AGAP1: variants seen among roughly 807,000 people sequenced by gnomAD.
AGAP1 encodes ArfGAP with GTPase domain, ankyrin repeat and PH domain 1.
A neutral mutation model predicts 105.3 loss-of-function variants in AGAP1; 29 were observed. That is an observed-to-expected ratio of 0.28 (90% CI 0.21 to 0.38). AGAP1 has a LOEUF of 0.38. AGAP1 is among the 10% of genes least tolerant of loss of function. The probability of loss-of-function intolerance (pLI) is 1.00; values close to 1 mark genes in which losing one functional copy is unlikely to be tolerated. For synonymous variants in AGAP1, 509 were observed against 485.9 expected (o/e 1.05, Z -0.63); for missense variants, 998 against 1,165.1 (o/e 0.86, Z 2.09).
rs1953498613 is a variant in AGAP1, at chr2:235,752,170, A to C, written c.673+1682A>C. The stretch of plus-strand genomic sequence containing the variant: ...TGCATGAGGCCAGCTGCCTGTTTTC[A>C]TAAATAGACTTTTCTTCTTTTTTTT... On this transcript the variant is annotated intron_variant, in intron 6 of 17. Coordinates refer to ENST00000304032, the MANE Select transcript of AGAP1 (RefSeq NM_001037131.3). This position sits in a 1 kb window ranked among gnomAD's most constrained non-coding sequence, Gnocchi z 4.3. 6.6e-6 allele frequency among the ~76,000 whole-genome samples: 1 copy of C among 152,150 alleles called. No homozygotes were observed. Among genetic ancestry groups the C allele is most frequent in the Non-Finnish European group, 1.5e-5 (1 of 68,020 alleles).
intron 9 of AGAP1, among the ~76,000 whole-genome samples, chr2:235,819,098 ATTTCTTTTCT>A (rs199751739): frequency 6.7e-6 from 1 of 148,182 alleles, no homozygotes; most frequent in African/African-American, 2.5e-5. Context: ...GGGAAATTGT[ATTTCTTTTCT>A]TTTCTTTTCT....
intron 6 of AGAP1, among the ~76,000 whole-genome samples, chr2:235,779,820 G>A (rs893858734): frequency 1.3e-5 from 2 of 152,220 alleles, no homozygotes; most frequent in African/African-American, 4.8e-5. Context: ...GCTCATGGCT[G>A]AAGCCTGGAC....
chr2:236,040,542 A>C lies in AGAP1; in HGVS notation c.1801-209A>C. The C allele has an allele frequency of 1.2e-5, 2 of 161,856 alleles. No individual in the cohort carries two copies. The highest frequency in any genetic ancestry group is 2.6e-5 in the Non-Finnish European group (2 of 77,250). 10.0% of individuals were successfully genotyped at this position (161,856 alleles called of 1,614,324 possible). On this transcript the variant is annotated intron_variant, in intron 14 of 17. Coordinates refer to ENST00000304032, the MANE Select transcript of AGAP1 (RefSeq NM_001037131.3). This position sits in a 1 kb window ranked among gnomAD's most constrained non-coding sequence, Gnocchi z 5.6. The stretch of plus-strand genomic sequence containing the variant: ...GTCTCAGCTGATGAGTTAAAATGTG[A>C]CATTTCCTCCCTCCCCCCGCCCCAT...
At chr2:235,834,738 G>A (rs530898536) in intron 9 of AGAP1, among the ~76,000 whole-genome samples, 19 of 152,166 alleles carry the variant, frequency 1.2e-4, no homozygotes, top group Non-Finnish European at 2.2e-4. Flanking sequence ...CAGCAAGAGC[G>A]AGAGTCTCCG....
rs1018313 is a variant in AGAP1 at position 235,736,371 on chromosome 2, C to G, written c.311-4592C>G. On this transcript the variant is annotated intron_variant, in intron 3 of 17. Coordinates refer to ENST00000304032, the MANE Select transcript of AGAP1 (RefSeq NM_001037131.3). This position sits in a 1 kb window ranked among gnomAD's most constrained non-coding sequence, Gnocchi z 5.5. ...TGAAGTTATGCTGATGTCATTTAAT[C>G]GTACGTCATCATAATTGGCAGCAGA... Among the ~76,000 whole-genome samples the G allele has an allele frequency of 0.76, 114,782 of 151,954 alleles. 43,968 individuals are homozygous for G. Among genetic ancestry groups the G allele is most frequent in the East Asian group, 0.99 (5,098 of 5,140 alleles).
chr2:235,511,467 G>A (rs1942107364), intron 1 of AGAP1, among the ~76,000 whole-genome samples: 1 of 152,100 alleles, frequency 6.6e-6, no homozygotes, highest in African/African-American at 2.4e-5. Flanking sequence ...CGGCTTCTCT[G>A]TGGGGATGTG....
intron 10 of AGAP1, among the ~76,000 whole-genome samples, chr2:235,885,862 C>G (rs1173517363): frequency 1.3e-5 from 2 of 152,222 alleles, no homozygotes; most frequent in Non-Finnish European, 2.9e-5. Flanking sequence ...TAGATTCTTA[C>G]ATAGATATTC....
chr2:235,780,146 A>G (rs13400202), intron 6 of AGAP1, among the ~76,000 whole-genome samples: 40,013 of 152,008 alleles, frequency 0.26, 5,591 homozygotes, highest in Admixed American at 0.4. Context: ...TCCTGTTTTC[A>G]CCATTTCTTG....
intron 1 of AGAP1, among the ~76,000 whole-genome samples, chr2:235,496,591 C>G (rs900831382): frequency 6.6e-6 from 1 of 152,190 alleles, no homozygotes; most frequent in Non-Finnish European, 1.5e-5. Context: ...ATTGAAGGCA[C>G]CTGGCTGAGA....
chr2:235,749,578 A>C, intron 5 of AGAP1, among the ~76,000 whole-genome samples: 1 of 148,750 alleles, frequency 6.7e-6, no homozygotes, highest in Admixed American at 6.8e-5. Flanking sequence ...TCTAGGCCTC[A>C]CCCCTACATC....
At chr2:235,837,905 G>A (rs561333196) in intron 9 of AGAP1, among the ~76,000 whole-genome samples, 129 of 152,220 alleles carry the variant, frequency 8.5e-4, no homozygotes, top group Non-Finnish European at 1.6e-3. Context: ...TGTCAGAGCC[G>A]GGGGTGGTGG....
chr2:235,765,296 G>T lies in AGAP1; in HGVS notation c.673+14808G>T, dbSNP rs112813145. 2.1e-3 allele frequency among the ~76,000 whole-genome samples: 311 copies of T among 150,936 alleles called. 1 individual carries two copies. The highest frequency in any genetic ancestry group is 2.7e-3 in the Non-Finnish European group (183 of 67,674). ...GGGGTGGGGGTATCTGGGAGCGTCTGTGGGGTGGGCGTATCTGGGAGTGTC... is the reference window on the plus strand; with the variant it reads ...GGGGTGGGGGTATCTGGGAGCGTCTTTGGGGTGGGCGTATCTGGGAGTGTC... On this transcript the variant is annotated intron_variant, in intron 6 of 17. Coordinates refer to ENST00000304032, the MANE Select transcript of AGAP1 (RefSeq NM_001037131.3).
chr2:235,864,084 C>T lies in AGAP1; in HGVS notation c.1051-19261C>T, dbSNP rs1034416914. ...TGACTCTATAGATCTGACTTGAATGCGCAAGCGGGCCGTTCCCACGTGATT... is the reference window on the plus strand; with the variant it reads ...TGACTCTATAGATCTGACTTGAATGTGCAAGCGGGCCGTTCCCACGTGATT... On this transcript the variant is annotated intron_variant, in intron 9 of 17. Transcript: ENST00000304032. This position sits in a 1 kb window ranked among gnomAD's most constrained non-coding sequence, Gnocchi z 5.0. 1.3e-5 allele frequency among the ~76,000 whole-genome samples: 2 copies of T among 152,186 alleles called. No individual in the cohort carries two copies. Among genetic ancestry groups the T allele is most frequent in the Non-Finnish European group, 1.5e-5 (1 of 68,038 alleles).
intron 12 of AGAP1, among the ~76,000 whole-genome samples, chr2:235,944,704 C>G (rs961959194): frequency 6.6e-6 from 1 of 152,270 alleles, no homozygotes; most frequent in African/African-American, 2.4e-5. Flanking sequence ...TTTGCCAGAG[C>G]CTTTATGGGG....
At chr2:236,070,225 T>G (rs1414011322) in intron 16 of AGAP1, among the ~76,000 whole-genome samples, 1 of 152,250 alleles carries the variant, frequency 6.6e-6, no homozygotes, top group Non-Finnish European at 1.5e-5. Flanking sequence ...GTTCCCAGTT[T>G]GCTCTTGGTT....
chr2:235,779,308 T>G (rs1240374885), intron 6 of AGAP1, among the ~76,000 whole-genome samples: 1 of 152,098 alleles, frequency 6.6e-6, no homozygotes, highest in Non-Finnish European at 1.5e-5. Context: ...ACCTAACGAT[T>G]TAGCTCTGCT....
rs1945682818 is a variant in AGAP1 at position 235,600,199 on chromosome 2, A to G, written c.163+105350A>G. ...GGAAATATTCTGTAGCTCATCTGGC[A>G]GCAGGGCCAGAGCTGATGATCTAAT... On this transcript the variant is annotated intron_variant, in intron 1 of 17. Transcript: ENST00000304032. The surrounding 1 kb of genome is among the most constrained non-coding windows in gnomAD (Gnocchi z 4.8). 6.6e-6 allele frequency among the ~76,000 whole-genome samples: 1 copy of G among 152,240 alleles called. No homozygotes were observed.
chr2:235,704,115 G>A (rs1950403509), intron 1 of AGAP1, among the ~76,000 whole-genome samples: 1 of 152,194 alleles, frequency 6.6e-6, no homozygotes, highest in African/African-American at 2.4e-5. Context: ...ATGGACACTG[G>A]GATGGGCAGG....
At chr2:236,075,923 T>C (rs573108740) in intron 16 of AGAP1, among the ~76,000 whole-genome samples, 52 of 152,166 alleles carry the variant, frequency 3.4e-4, no homozygotes, top group Non-Finnish European at 6.3e-4. Context: ...AGAGCAAACC[T>C]CCGCAGGGAG....
Sources: allele counts gnomAD v4.1 joint callset (sites outside exome capture counted in the v4.1 genomes callset), GRCh38; gene constraint gnomAD v4.1.1; non-coding constraint Gnocchi (gnomAD v3.1); transcripts MANE v1.5; gene names NCBI Gene and HGNC (gene_info 2026-07-23, HGNC 2026-07-21).